Variants in ADAMTS19 observed in about 807,000 individuals in gnomAD.
The protein encoded by ADAMTS19 is A disintegrin and metalloproteinase with thrombospondin motifs 19.
A neutral mutation model predicts 153.3 loss-of-function variants in ADAMTS19; 93 were observed. The ratio of observed to expected loss-of-function variants is 0.61; its 90% confidence interval spans 0.51 to 0.72. The LOEUF is 0.72. Ranked by LOEUF, ADAMTS19 falls within the 30% of genes least tolerant of loss-of-function variation. ADAMTS19 has a pLI of 0.00. For missense variants in ADAMTS19, 1,482 were observed against 1,552.1 expected (o/e 0.95, Z 0.76); for synonymous variants, 600 against 556.6 (o/e 1.08, Z -1.10).
rs1167064274 is a variant in ADAMTS19 at position 129,694,611 on chromosome 5, TAA to T, written c.2819-104_2819-103del. 2.1e-5 allele frequency: 15 copies of T among 710,678 alleles called. No homozygotes were observed. In the South Asian group the frequency reaches 2.2e-4, roughly 10 times the overall value. The allele number at this position is 710,678 out of a possible 1,614,324, so 44.0% of individuals were successfully genotyped here. A position where few individuals can be genotyped will look rare whatever the true frequency, so the allele number is the denominator to read the frequency against. On this transcript the variant is annotated intron_variant, in intron 18 of 22. Coordinates refer to ENST00000274487, the MANE Select transcript of ADAMTS19 (RefSeq NM_133638.6). The stretch of plus-strand genomic sequence containing the variant: ...TTTAATAAAATAAAAATTTAAATTA[TAA>T]AAAAGTTTTTTAAATAAAAAATAAG...
chr5:129,496,725 G>T (rs543416633), intron 2 of ADAMTS19, among the ~76,000 whole-genome samples: 3 of 151,948 alleles, frequency 2.0e-5, no homozygotes, highest in Admixed American at 1.3e-4. Context: ...TGCTGCAAAG[G>T]CTCATCACCA....
At chr5:129,736,998 CTTGAAG>C (rs1285035919) in intron 22 of ADAMTS19, 63 bp from the exon 23 acceptor site, 2 of 1,388,040 alleles carry the variant, frequency 1.4e-6, no homozygotes, top group Non-Finnish European at 1.9e-6. Context: ...CACTTAAACG[CTTGAAG>C]TTGGTTTTTA....
intron 7 of ADAMTS19, among the ~76,000 whole-genome samples, chr5:129,575,668 A>G (rs1337794040): frequency 1.3e-5 from 2 of 152,072 alleles, no homozygotes; most frequent in Non-Finnish European, 2.9e-5. Flanking sequence ...TAGACTGTGA[A>G]GTAGTGTTCC....
At chr5:129,487,952 T>G (rs1750651912) in intron 2 of ADAMTS19, among the ~76,000 whole-genome samples, 1 of 152,120 alleles carries the variant, frequency 6.6e-6, no homozygotes, top group Non-Finnish European at 1.5e-5. Context: ...TGTATGGATT[T>G]GAAGTCTACA....
rs577985292 is a variant in ADAMTS19 at position 129,624,082 on chromosome 5, G to C, written c.1770+1734G>C. On this transcript the variant is annotated intron_variant, in intron 10 of 22. Transcript: ENST00000274487. ...GTGGAGCTTGCAGTGAGCCGAGAAC[G>C]CGCCACTGCACTCCGGCCTGGACTA... Among the ~76,000 whole-genome samples the C allele has an allele frequency of 7.2e-4, 96 of 132,418 alleles. 1 individual carries two copies. The highest frequency in any genetic ancestry group is 2.6e-3 in the African/African-American group (90 of 34,360). 86.9% of individuals were successfully genotyped at this position (132,418 alleles called of 152,430 possible). A position where few individuals can be genotyped will look rare whatever the true frequency, so the allele number is the denominator to read the frequency against.
chr5:129,471,552 C>CT (rs1039946176), intron 2 of ADAMTS19, among the ~76,000 whole-genome samples: 10 of 151,210 alleles, frequency 6.6e-5, no homozygotes, highest in Non-Finnish European at 1.0e-4. Context: ...ATACAAGGTA[C>CT]TTTTTTTTTA....
At chr5:129,702,067 G>T (rs1311476455) in intron 20 of ADAMTS19, among the ~76,000 whole-genome samples, 1 of 152,158 alleles carries the variant, frequency 6.6e-6, no homozygotes, top group African/African-American at 2.4e-5. Context: ...GAGTAATATA[G>T]CTCAGAGAAA....
chr5:129,623,028 T>C (rs1026500059), intron 10 of ADAMTS19, among the ~76,000 whole-genome samples: 4 of 152,262 alleles, frequency 2.6e-5, no homozygotes, highest in African/African-American at 4.8e-5. Context: ...ATATAATTGA[T>C]AAAAATGCAA....
intron 8 of ADAMTS19, among the ~76,000 whole-genome samples, chr5:129,607,564 A>G (rs1217536219): frequency 6.6e-6 from 1 of 152,224 alleles, no homozygotes; most frequent in East Asian, 1.9e-4. Flanking sequence ...ACTAAGTAAT[A>G]TGATTTTATG....
At chr5:129,694,891 G>T (rs371483738) in intron 19 of ADAMTS19, 36 bp downstream of exon 19, 51 of 1,469,492 alleles carry the variant, frequency 3.5e-5, no homozygotes, top group Non-Finnish European at 4.4e-5. Context: ...AGCATTATTT[G>T]TCCATTAGAT....
chr5:129,569,431 G>C (rs1168732025), intron 7 of ADAMTS19, among the ~76,000 whole-genome samples: 1 of 152,010 alleles, frequency 6.6e-6, no homozygotes, highest in Non-Finnish European at 1.5e-5. Flanking sequence ...CCAGTAAACA[G>C]GAACTTAACA....
Position 129,665,480 on chromosome 5 carries a change from G to C in ADAMTS19, c.2426-19G>C, listed in dbSNP as rs374409376. ...TGAAGGAACTCAAGATTTATTTCAT[G>C]TTTTATTGACTCTTACAGGTTATGT... is the stretch of plus-strand genomic sequence containing the variant. On this transcript the variant is annotated intron_variant, in intron 15 of 22. Coordinates refer to ENST00000274487, the MANE Select transcript of ADAMTS19 (RefSeq NM_133638.6). 1 of 1,557,206 alleles carries C rather than the reference G, an allele frequency of 6.4e-7. No individual in the cohort carries two copies. The highest frequency in any genetic ancestry group is 1.4e-5 in the African/African-American group (1 of 73,124).
At chr5:129,534,874 C>A (rs1482930055) in intron 6 of ADAMTS19, among the ~76,000 whole-genome samples, 2 of 152,068 alleles carry the variant, frequency 1.3e-5, no homozygotes, top group Non-Finnish European at 2.9e-5. Flanking sequence ...AATTCAACAA[C>A]CTTCATGCTA....
intron 2 of ADAMTS19, among the ~76,000 whole-genome samples, chr5:129,478,488 C>T (rs1190273024): frequency 1.3e-5 from 2 of 152,054 alleles, no homozygotes; most frequent in East Asian, 1.9e-4. Flanking sequence ...GGAAAAGTAC[C>T]ACATTCTCCT....
At chr5:129,463,334 G>GT (rs143452844) in intron 2 of ADAMTS19, among the ~76,000 whole-genome samples, 28,632 of 151,988 alleles carry the variant, frequency 0.19, 3,925 homozygotes, top group African/African-American at 0.38. Flanking sequence ...TTATAAGTAG[G>GT]TTTTTTGTAT....
chr5:129,559,864 A>G (rs115355081), intron 7 of ADAMTS19, among the ~76,000 whole-genome samples: 1,608 of 152,214 alleles, frequency 0.011, 13 homozygotes, highest in Non-Finnish European at 0.019. Context: ...TTCTACAGTC[A>G]GTGCTCAATT....
chr5:129,688,751 A>G (rs1755201192), intron 18 of ADAMTS19, among the ~76,000 whole-genome samples: 1 of 152,226 alleles, frequency 6.6e-6, no homozygotes, highest in Non-Finnish European at 1.5e-5. Flanking sequence ...GAATTGACAT[A>G]TCATTTTGTA....
intron 10 of ADAMTS19, among the ~76,000 whole-genome samples, chr5:129,637,795 A>G (rs1436341789): frequency 6.6e-6 from 1 of 152,176 alleles, no homozygotes; most frequent in East Asian, 1.9e-4. Context: ...CATTGAGCCA[A>G]GATGATTGTG....
chr5:129,520,687 C>T (rs1391572310), intron 3 of ADAMTS19, among the ~76,000 whole-genome samples: 2 of 152,058 alleles, frequency 1.3e-5, no homozygotes, highest in Non-Finnish European at 2.9e-5. Flanking sequence ...TGTATTTGGA[C>T]GAGTCATTTC....
Sources: gnomAD v4.1 joint callset for allele counts (sites outside exome capture counted in the v4.1 genomes callset) on GRCh38, gnomAD v4.1.1 for gene constraint, MANE v1.5 for transcripts, NCBI Gene and HGNC (gene_info 2026-07-23, HGNC 2026-07-21) for gene names.